DNAH5: variants seen among roughly 807,000 people sequenced by gnomAD.
DNAH5 encodes axonemal beta dynein heavy chain 5.
Under a neutral mutation model 518.2 loss-of-function variants are expected in DNAH5, and 372 were observed. The ratio of observed to expected loss-of-function variants is 0.72; its 90% CI spans 0.66 to 0.78. The LOEUF is 0.78. Among genes scored for constraint, DNAH5 ranks in the 30% least tolerant of loss-of-function variants. DNAH5 has a pLI of 0.00. For missense variants in DNAH5, 5,523 were observed against 5,687.0 expected, an observed-to-expected ratio of 0.97 and a Z score of 0.93; for synonymous variants, 2,039 against 2,025.9, an observed-to-expected ratio of 1.01 and a Z score of -0.17.
At chr5:13,965,428 GA>G (rs1781464523) in intron 1 of DNAH5, among the ~76,000 whole-genome samples, 1 of 152,132 alleles carries the variant, frequency 6.6e-6, no homozygotes, top group Non-Finnish European at 1.5e-5. Flanking sequence ...AAGGAATAAT[GA>G]AAATCATGTT....
In DNAH5 at chr5:13,859,505, T is replaced by G; in HGVS notation, c.4897A>C (p.Ile1633Leu). ...CCCACAAAGACAGCTTCTAAATAAA[T>G]CCACAGGTTTTGCACCGTCATCCAG... ...ESWMTVQNLWIYLEAVFVGGD... is the reference protein window; with the variant it reads ...ESWMTVQNLWLYLEAVFVGGD... The change falls in exon 30 of 79, where the codon ATT becomes CTT. Residue 1633 changes from isoleucine to leucine, a missense_variant. By Grantham distance (5) the Ile-to-Leu change is conservative. Transcript: ENST00000265104. The G allele has an allele frequency of 6.2e-7, 1 of 1,614,038 alleles. No individual in the cohort carries two copies.
intron 1 of DNAH5, among the ~76,000 whole-genome samples, chr5:13,975,964 A>T (rs1782207583): frequency 1.3e-5 from 2 of 152,208 alleles, no homozygotes; most frequent in Admixed American, 1.3e-4. Flanking sequence ...TGAGCCTAGG[A>T]GTTCAAGTCT....
chr5:13,840,263 AG>A (rs879392013), intron 34 of DNAH5, among the ~76,000 whole-genome samples: 4 of 152,224 alleles, frequency 2.6e-5, no homozygotes, highest in Non-Finnish European at 2.9e-5. Flanking sequence ...TAATGGGATG[AG>A]ACAAATCCAG....
chr5:13,900,123 T>G, intron 15 of DNAH5, 83 bp downstream of exon 15: 1 of 1,265,188 alleles, frequency 7.9e-7, no homozygotes, highest in Admixed American at 1.9e-5. Context: ...TTTCTGCTCC[T>G]TGAATATGAC....
chr5:13,845,998 TA>T (rs1372236513), intron 31 of DNAH5, among the ~76,000 whole-genome samples: 31 of 140,910 alleles, frequency 2.2e-4, no homozygotes, highest in Admixed American at 9.6e-4. Context: ...GCCCAGCTAA[TA>T]TTTTTTTTTT....
chr5:13,993,473 T>A (rs1783707290), intron 1 of DNAH5, among the ~76,000 whole-genome samples: 1 of 152,216 alleles, frequency 6.6e-6, no homozygotes, highest in South Asian at 2.1e-4. Context: ...ACTCATATAT[T>A]CTACCCCACT....
chr5:13,930,445 C>T (rs944462463), intron 2 of DNAH5, among the ~76,000 whole-genome samples: 1 of 152,148 alleles, frequency 6.6e-6, no homozygotes, highest in Admixed American at 6.5e-5. Context: ...AACGGTGTGG[C>T]ACCCTGTCAG....
intron 76 of DNAH5, among the ~76,000 whole-genome samples, chr5:13,702,546 G>A (rs926793174): frequency 1.5e-4 from 23 of 152,158 alleles, no homozygotes; most frequent in African/African-American, 5.6e-4. Context: ...TGGGTGATCT[G>A]GTTTGGTAGG....
intron 30 of DNAH5, among the ~76,000 whole-genome samples, chr5:13,854,635 A>G (rs1198733375): frequency 1.3e-5 from 2 of 152,192 alleles, no homozygotes; most frequent in East Asian, 1.9e-4. Flanking sequence ...CTCACGTGCA[A>G]AGACACACAT....
At chr5:13,757,261 C>T (rs1263564481) in intron 61 of DNAH5, among the ~76,000 whole-genome samples, 7 of 152,150 alleles carry the variant, frequency 4.6e-5, no homozygotes, top group African/African-American at 1.4e-4. Flanking sequence ...TCTGTTTTTA[C>T]GTCTTTGAGG....
At chr5:13,813,314 G>T (rs540833212) in intron 43 of DNAH5, among the ~76,000 whole-genome samples, 4 of 152,198 alleles carry the variant, frequency 2.6e-5, no homozygotes, top group Admixed American at 2.6e-4. Context: ...TCCTTAGCTA[G>T]TTGTATAAAA....
chr5:13,757,130 A>G (rs116352217), intron 61 of DNAH5, among the ~76,000 whole-genome samples: 2,788 of 152,226 alleles, frequency 0.018, 80 homozygotes, highest in African/African-American at 0.06. Flanking sequence ...AGTTGATTCC[A>G]TGTCTTTGCT....
At chr5:13,698,872 C>A (rs1476100577) in intron 78 of DNAH5, among the ~76,000 whole-genome samples, 1 of 152,138 alleles carries the variant, frequency 6.6e-6, no homozygotes, top group South Asian at 2.1e-4. Flanking sequence ...TTGTGAATGA[C>A]CATAAAAGTG....
chr5:13,839,249 G>C (rs963685538), intron 35 of DNAH5, 107 bp downstream of exon 35: 5 of 983,482 alleles, frequency 5.1e-6, no homozygotes, highest in Non-Finnish European at 6.2e-6. Flanking sequence ...AAATTTCAAA[G>C]GTTTTAGTAT....
chr5:13,872,055 G>T (rs1190398446), intron 22 of DNAH5, among the ~76,000 whole-genome samples: 1 of 152,128 alleles, frequency 6.6e-6, no homozygotes, highest in Non-Finnish European at 1.5e-5. Flanking sequence ...CCTCTTGGTT[G>T]GAGCTGGGCC....
intron 1 of DNAH5, among the ~76,000 whole-genome samples, chr5:13,970,633 T>A (rs573376720): frequency 6.6e-6 from 1 of 152,256 alleles, no homozygotes; most frequent in African/African-American, 2.4e-5. Context: ...TTCTAGGTTA[T>A]AGGTTTCTGC....
intron 1 of DNAH5, among the ~76,000 whole-genome samples, chr5:13,969,004 T>C (rs1781709875): frequency 6.6e-6 from 1 of 152,184 alleles, no homozygotes; most frequent in South Asian, 2.1e-4. Context: ...TGCTTGTTAT[T>C]GGTCTGTTCA....
chr5:13,997,637 C>A (rs569284737), intron 1 of DNAH5, among the ~76,000 whole-genome samples: 10 of 152,288 alleles, frequency 6.6e-5, no homozygotes, highest in Admixed American at 3.9e-4. Flanking sequence ...CCATTCATGG[C>A]AATGCAGACT....
chr5:13,901,985 A>G, intron 13 of DNAH5, 68 bp downstream of exon 13: 1 of 1,090,974 alleles, frequency 9.2e-7, no homozygotes, highest in Non-Finnish European at 1.3e-6. Flanking sequence ...TAATAATAAT[A>G]GGAATAACAA....
Sources: gnomAD v4.1 joint callset for allele counts (sites outside exome capture counted in the v4.1 genomes callset) on GRCh38, gnomAD v4.1.1 for gene constraint, MANE v1.5 for transcripts, NCBI Gene and HGNC (gene_info 2026-07-23, HGNC 2026-07-21) for gene names.